Variants in RAB5C observed in about 807,000 individuals in gnomAD.
The protein encoded by RAB5C is ras-related protein Rab-5C.
In RAB5C, 4 loss-of-function variants were observed where a neutral mutation model predicts 25.2. The observed-to-expected ratio is 0.16, with a 90% CI of 0.08 to 0.36. The LOEUF is 0.36. RAB5C is among the 10% of genes least tolerant of loss of function. The pLI is 1.00. For synonymous variants in RAB5C, 100 were observed against 106.4 expected, an observed-to-expected ratio of 0.94 and a Z score of 0.37; for missense variants, 199 against 283.8, an observed-to-expected ratio of 0.70 and a Z score of 2.15.
At chr17:42,125,944 ACT>A (rs1478847518) in intron 5 of RAB5C, 46 bp from the exon 6 acceptor site, 1 of 1,427,620 alleles carries the variant, frequency 7.0e-7, no homozygotes, top group Non-Finnish European at 9.7e-7. Context: ...TACCCCAATA[ACT>A]CTCCCAGTTC....
chr17:42,134,138 G>C (rs2054513200), intron 1 of RAB5C, among the ~76,000 whole-genome samples: 1 of 152,142 alleles, frequency 6.6e-6, no homozygotes, highest in South Asian at 2.1e-4. Flanking sequence ...TAAGCCAGGG[G>C]AAGGCCAGAC....
chr17:42,125,801 G>T lies in RAB5C; in HGVS notation c.633C>A (p.Ser211Arg). ...GGGGGGCTCAGTTGCTGCAGCACTG[G>T]CTCCGGCTGGCTGGGTTGTTCTCCT... is the stretch of plus-strand genomic sequence containing the variant. ...DLQENNPASR[S>R]QCCSN is the part of the protein sequence containing the mutation. The change falls in exon 6 of 6, where the codon AGC (serine) becomes AGA (arginine). Residue 211 changes from serine (S) to arginine (R), a missense_variant. By Grantham distance (110) the Ser-to-Arg change is moderately radical (BLOSUM62 -1). This residue lies in a region of RAB5C where 154 missense variants were observed against 199.6 expected (regional missense o/e 0.77). Coordinates refer to ENST00000346213, the MANE Select transcript of RAB5C (RefSeq NM_004583.4). 6.2e-7 allele frequency: 1 copy of T among 1,606,390 alleles called. No homozygotes were observed.
intron 1 of RAB5C, chr17:42,131,687 T>C (rs1224655595): frequency 7.4e-7 from 1 of 1,357,518 alleles, no homozygotes; most frequent in East Asian, 2.5e-5. Context: ...AGAGACCAAG[T>C]CCTGCATCCC....
intron 1 of RAB5C, 111 bp from the exon 2 acceptor site, chr17:42,130,701 C>A: frequency 1.5e-6 from 2 of 1,345,390 alleles, no homozygotes; most frequent in Middle Eastern, 5.2e-4. Flanking sequence ...TAGCTGACTG[C>A]TTCCCCTCAC....
chr17:42,126,658 A>AT, intron 5 of RAB5C, 97 bp downstream of exon 5: 1 of 497,246 alleles, frequency 2.0e-6, no homozygotes, highest in Non-Finnish European at 3.6e-6. Flanking sequence ...AAAAAAAAAA[A>AT]GAGTGGTGAA....
chr17:42,149,869 C>T (rs768356936), intron 1 of RAB5C, among the ~76,000 whole-genome samples: 5 of 145,236 alleles, frequency 3.4e-5, no homozygotes, highest in Admixed American at 2.7e-4. Context: ...TTATGTTGCC[C>T]AGGCTGGTTT....
intron 1 of RAB5C, among the ~76,000 whole-genome samples, chr17:42,153,928 C>G (rs553429588): frequency 1.3e-5 from 2 of 152,338 alleles, no homozygotes; most frequent in South Asian, 4.1e-4. Context: ...CAGACAGACC[C>G]TGGCGTGGTG....
chr17:42,134,980 GTTT>G (rs528680102), intron 1 of RAB5C, among the ~76,000 whole-genome samples: 55 of 134,932 alleles, frequency 4.1e-4, no homozygotes, highest in African/African-American at 9.0e-4. Flanking sequence ...TTTTTCTTAA[GTTT>G]TTTTTTTTTT....
At chr17:42,126,952 T>G in intron 4 of RAB5C, 104 bp from the exon 5 acceptor site, 1 of 688,154 alleles carries the variant, frequency 1.5e-6, no homozygotes. Context: ...CTTATCATAA[T>G]AGAGATCAGC....
In RAB5C at chr17:42,125,906, G is replaced by C; in HGVS notation, c.536-8C>G. ...TCTTGGGAAGCTTCTTAGCTGTTTG[G>C]GAGGGGGAAAAGTGCATTTGTTGGG... On this transcript the variant is annotated splice_polypyrimidine_tract_variant and splice_region_variant and intron_variant, in intron 5 of 5. Coordinates refer to ENST00000346213, the MANE Select transcript of RAB5C (RefSeq NM_004583.4). 6.3e-7 allele frequency: 1 copy of C among 1,598,182 alleles called. No homozygotes were observed. Among genetic ancestry groups the C allele is most frequent in the Non-Finnish European group, 8.5e-7 (1 of 1,170,864 alleles).
intron 1 of RAB5C, among the ~76,000 whole-genome samples, chr17:42,135,395 T>C (rs1013114223): frequency 6.6e-6 from 1 of 152,042 alleles, no homozygotes; most frequent in African/African-American, 2.4e-5. Flanking sequence ...CAAACTCTTC[T>C]TCACCAGAAT....
intron 1 of RAB5C, among the ~76,000 whole-genome samples, chr17:42,147,677 G>A (rs2079645743): frequency 6.6e-6 from 1 of 152,220 alleles, no homozygotes; most frequent in Admixed American, 6.5e-5. Flanking sequence ...ATTTGTCTGT[G>A]AGCAACTTTC....
At chr17:42,142,137 G>A (rs1447518420) in intron 1 of RAB5C, among the ~76,000 whole-genome samples, 1 of 148,974 alleles carries the variant, frequency 6.7e-6, no homozygotes, top group African/African-American at 2.5e-5. Context: ...TGGGGTGAAG[G>A]CCCCAACCAT....
At chr17:42,144,016 C>G (rs1481809686) in intron 1 of RAB5C, among the ~76,000 whole-genome samples, 1 of 152,026 alleles carries the variant, frequency 6.6e-6, no homozygotes, top group Non-Finnish European at 1.5e-5. Flanking sequence ...AAACTCTTGG[C>G]CTCAGGTGAT....
At chr17:42,154,603 G>A (rs1487186841) in intron 1 of RAB5C, 1 of 152,294 alleles carries the variant, frequency 6.6e-6, no homozygotes, top group Non-Finnish European at 1.5e-5. Context: ...AAGATCCTCC[G>A]ATTCTGGAAG....
At chr17:42,151,368 C>T (rs924524193) in intron 1 of RAB5C, among the ~76,000 whole-genome samples, 1 of 151,456 alleles carries the variant, frequency 6.6e-6, no homozygotes, top group African/African-American at 2.4e-5. Context: ...ACCCGGGAGG[C>T]GGAGCTTGCA....
chr17:42,144,078 G>GCC (rs1396305284), intron 1 of RAB5C, among the ~76,000 whole-genome samples: 1 of 152,114 alleles, frequency 6.6e-6, no homozygotes, highest in Non-Finnish European at 1.5e-5. Context: ...GAGCCACTGT[G>GCC]CCCGGCCTTA....
intron 1 of RAB5C, among the ~76,000 whole-genome samples, chr17:42,133,500 AC>A (rs1234085321): frequency 6.6e-6 from 1 of 152,230 alleles, no homozygotes; most frequent in Non-Finnish European, 1.5e-5. Context: ...GTGGTTCTCA[AC>A]GGTGTCTGTA....
At chr17:42,152,123 CAAA>C (rs758139522) in intron 1 of RAB5C, among the ~76,000 whole-genome samples, 1 of 139,948 alleles carries the variant, frequency 7.1e-6, no homozygotes, top group Non-Finnish European at 1.6e-5. Context: ...TTATCTTACT[CAAA>C]AAAAAAAAAG....
Sources: gnomAD v4.1 joint callset for allele counts (sites outside exome capture counted in the v4.1 genomes callset) on GRCh38, gnomAD v4.1.1 for gene constraint, gnomAD v4.1.1 regional missense constraint, MANE v1.5 for transcripts, NCBI Gene and HGNC (gene_info 2026-07-23, HGNC 2026-07-21) for gene names.